The following AHNAK variants were observed in gnomAD, a reference collection of about 807,000 sequenced individuals.
AHNAK encodes the protein neuroblast differentiation-associated protein AHNAK.
In AHNAK, 23 loss-of-function variants were observed where a neutral mutation model predicts 37.8. The ratio of observed to expected loss-of-function variants is 0.61; its 90% CI spans 0.44 to 0.86. The LOEUF is 0.86. Ranked by LOEUF, AHNAK falls within the 40% of genes least tolerant of loss-of-function variation. The pLI is 0.00. For missense variants in AHNAK, 7,411 were observed against 7,319.4 expected, an observed-to-expected ratio of 1.01 and a Z score of -0.46; for synonymous variants, 2,481 against 2,636.3, an observed-to-expected ratio of 0.94 and a Z score of 1.80.
intron 1 of AHNAK, among the ~76,000 whole-genome samples, chr11:62,546,359 G>A (rs755917759): frequency 2.0e-5 from 3 of 152,262 alleles, no homozygotes; most frequent in Non-Finnish European, 4.4e-5. Context: ...CCCGGAACGG[G>A]GCGCCCTGCC....
chr11:62,445,289 T>G (rs966119057), intron 5 of AHNAK, among the ~76,000 whole-genome samples: 2 of 152,202 alleles, frequency 1.3e-5, no homozygotes, highest in Non-Finnish European at 2.9e-5. Context: ...GCACTATTTT[T>G]TTTTCTGTTG....
intron 4 of AHNAK, among the ~76,000 whole-genome samples, chr11:62,495,009 A>T (rs2134169273): frequency 6.6e-6 from 1 of 151,930 alleles, no homozygotes; most frequent in African/African-American, 2.4e-5. Context: ...TCAAAAAAAA[A>T]AAAAAAAGTA....
rs762685370 is a variant in AHNAK, at chr11:62,524,020, T to C, written c.10397A>G (p.His3466Arg). Residue 3466 changes from histidine (H) to arginine (R), a missense_variant, in exon 5 of 5, where the codon CAT becomes CGT. Coordinates refer to ENST00000378024, the MANE Select transcript of AHNAK (RefSeq NM_001620.3). Reference protein sequence around the residue: ...VNLNAPDVDVHGPDWNLKMPK... With the variant: ...VNLNAPDVDVRGPDWNLKMPK... Reference sequence around the variant, plus strand: ...CATTTTCAGATTCCAGTCTGGACCATGAACATCCACATCAGGTGCATTAAG... The same window carrying C: ...CATTTTCAGATTCCAGTCTGGACCACGAACATCCACATCAGGTGCATTAAG... 2.8e-5 allele frequency: 46 copies of C among 1,614,180 alleles called. No homozygotes were observed. Among genetic ancestry groups the C allele is most frequent in the Non-Finnish European group, 3.5e-5 (41 of 1,180,036 alleles).
intron 5 of AHNAK, among the ~76,000 whole-genome samples, chr11:62,448,033 A>G (rs1938453954): frequency 6.6e-6 from 1 of 152,020 alleles, no homozygotes; most frequent in African/African-American, 2.4e-5. Context: ...AAGTTTGAAG[A>G]ATGGGAAGGA....
chr11:62,434,230 G>A (rs1938112147), intron 5 of AHNAK, among the ~76,000 whole-genome samples: 1 of 152,120 alleles, frequency 6.6e-6, no homozygotes, highest in Non-Finnish European at 1.5e-5. Context: ...AAATAACAGA[G>A]GAAGGTAGGA....
rs762639989 is a variant in AHNAK, at chr11:62,524,735, G to C, written c.9682C>G (p.Leu3228Val). The C allele has an allele frequency of 1.2e-6, 2 of 1,614,060 alleles. No homozygotes were observed. The highest frequency in any genetic ancestry group is 2.7e-5 in the African/African-American group (2 of 74,928). Residue 3228 changes from leucine (L) to valine (V), a missense_variant, in exon 5 of 5, where the codon CTT becomes GTT. Leu to Val is a conservative substitution (Grantham distance 32, BLOSUM62 1). Coordinates refer to ENST00000378024, the MANE Select transcript of AHNAK (RefSeq NM_001620.3). ...KISMPDLDLN[L>V]KGPKMKGEVD... ...TCTCCTTTCATTTTAGGGCCTTTAA[G>C]ATTGAGGTCCAAATCAGGCATTGAT...
In AHNAK at chr11:62,517,792, C is replaced by G; in HGVS notation, c.16625G>C (p.Ser5542Thr). 2 of 1,614,226 alleles carry G rather than the reference C, an allele frequency of 1.2e-6. No individual in the cohort carries two copies. The highest frequency in any genetic ancestry group is 1.3e-5 in the African/African-American group (1 of 75,056). The change falls in exon 5 of 5, where the codon AGT (serine) becomes ACT (threonine). Residue 5542 changes from serine (S) to threonine (T), a missense_variant. Ser to Thr is a moderately conservative substitution (Grantham distance 58). Coordinates refer to ENST00000378024, the MANE Select transcript of AHNAK (RefSeq NM_001620.3). ...CATATTAAAGGCAGGCCCCTTCACA[C>G]TGATATCAGGAGCAGCCCCATGGAA... is the stretch of plus-strand genomic sequence containing the variant. ...VGFHGAAPDI[S>T]VKGPAFNMAS... is the part of the protein sequence containing the mutation.
At chr11:62,479,888 C>A (rs1939230837) in intron 5 of AHNAK, among the ~76,000 whole-genome samples, 1 of 152,174 alleles carries the variant, frequency 6.6e-6, no homozygotes, top group Non-Finnish European at 1.5e-5. Flanking sequence ...ATATTCATAT[C>A]TTGACTGTTT....
intron 5 of AHNAK, among the ~76,000 whole-genome samples, chr11:62,441,844 C>T (rs1938312385): frequency 6.6e-6 from 1 of 152,110 alleles, no homozygotes; most frequent in Non-Finnish European, 1.5e-5. Flanking sequence ...CCTCCAGGAG[C>T]TCAGTTCACC....
chr11:62,434,340 C>T (rs1367890316), intron 5 of AHNAK, among the ~76,000 whole-genome samples: 1 of 152,160 alleles, frequency 6.6e-6, no homozygotes, highest in South Asian at 2.1e-4. Context: ...TCTTCATGAA[C>T]CCTTTCTGCT....
chr11:62,543,783 T>C (rs1941208367), intron 1 of AHNAK, among the ~76,000 whole-genome samples: 1 of 152,194 alleles, frequency 6.6e-6, no homozygotes, highest in African/African-American at 2.4e-5. Flanking sequence ...CCTCCATCCC[T>C]GCCACTGCCA....
chr11:62,442,412 GTGGTA>G (rs948534630), intron 5 of AHNAK, among the ~76,000 whole-genome samples: 2 of 152,090 alleles, frequency 1.3e-5, no homozygotes, highest in African/African-American at 2.4e-5. Flanking sequence ...GCCAGGCATG[GTGGTA>G]TGTGCCTGTA....
rs1438960848 is a variant in AHNAK at position 62,524,621 on chromosome 11, C to T, written c.9796G>A (p.Asp3266Asn). 2.0e-5 allele frequency: 32 copies of T among 1,614,204 alleles called. No individual in the cohort carries two copies. Among genetic ancestry groups the T allele is most frequent in the Non-Finnish European group, 2.7e-5 (32 of 1,180,042 alleles). ...GCATCTGGGCCATGAATGTCAATAT[C>T]TGGAGCATCTACATCTATCTTTGGG... is the stretch of plus-strand genomic sequence containing the variant. The part of the protein sequence containing the change: ...KGPKIDVDAP[D>N]IDIHGPDAKL... The change falls in exon 5 of 5, where the codon GAT becomes AAT. Residue 3266 changes from aspartate to asparagine, a missense_variant. Asp to Asn is a conservative substitution (Grantham distance 23, BLOSUM62 1). Coordinates refer to ENST00000378024, the MANE Select transcript of AHNAK (RefSeq NM_001620.3).
rs577958544 is a variant in AHNAK at position 62,482,369 on chromosome 11, C to G, written c.442+9363G>C. On this transcript the variant is annotated intron_variant, in intron 5 of 5. Coordinates refer to the AHNAK transcript ENST00000257247. Reference sequence around the variant, plus strand: ...GGCAAAGGTTGCAGTGAGCTGAGATCGCGCCACTGCACTCCAGCCTAAGTG... The same window carrying G: ...GGCAAAGGTTGCAGTGAGCTGAGATGGCGCCACTGCACTCCAGCCTAAGTG... 2.0e-5 allele frequency among the ~76,000 whole-genome samples: 3 copies of G among 151,826 alleles called. No homozygotes were observed. The South Asian group carries it at 6.2e-4, about 32-fold the overall frequency.
intron 4 of AHNAK, among the ~76,000 whole-genome samples, chr11:62,505,022 G>A (rs1939784164): frequency 1.3e-5 from 2 of 152,156 alleles, no homozygotes; most frequent in African/African-American, 4.8e-5. Context: ...CAGGACCTTA[G>A]TTTCTCAGGG....
intron 4 of AHNAK, among the ~76,000 whole-genome samples, chr11:62,499,043 C>T (rs374029481): frequency 6.7e-4 from 102 of 152,178 alleles, no homozygotes; most frequent in Non-Finnish European, 1.0e-3. Flanking sequence ...GCCTCTCTTC[C>T]GCCTCGCTTC....
chr11:62,436,727 G>A (rs1938179565), intron 5 of AHNAK, among the ~76,000 whole-genome samples: 1 of 151,456 alleles, frequency 6.6e-6, no homozygotes, highest in Non-Finnish European at 1.5e-5. Context: ...ACGAGGTCAG[G>A]AGATCGAGAC....
chr11:62,527,938 A>G lies in AHNAK; in HGVS notation c.6479T>C (p.Leu2160Pro). 6.2e-7 allele frequency: 1 copy of G among 1,613,294 alleles called. No individual in the cohort carries two copies. ...SVDVEVPDVE[L>P]ECPDAKLKGP... ...TTTCAACTTTGCATCAGGACACTCCAGCTCAACATCAGGCACCTCCACATC... is the reference window on the plus strand; with the variant it reads ...TTTCAACTTTGCATCAGGACACTCCGGCTCAACATCAGGCACCTCCACATC... The change falls in exon 5 of 5, where the codon CTG becomes CCG. Residue 2160 changes from leucine to proline, a missense_variant. Physicochemically the swap from Leu to Pro is moderately conservative, Grantham distance 98. Coordinates refer to ENST00000378024, the MANE Select transcript of AHNAK (RefSeq NM_001620.3).
chr11:62,462,739 G>C (rs1045029228), intron 5 of AHNAK, among the ~76,000 whole-genome samples: 1 of 152,214 alleles, frequency 6.6e-6, no homozygotes, highest in Non-Finnish European at 1.5e-5. Context: ...TGGTTACAAA[G>C]GGTTTCGACA....
Sources: gnomAD v4.1 joint callset for allele counts (sites outside exome capture counted in the v4.1 genomes callset) on GRCh38, gnomAD v4.1.1 for gene constraint, MANE v1.5 for transcripts, NCBI Gene and HGNC (gene_info 2026-07-23, HGNC 2026-07-21) for gene names.